The following MYH16 variants were observed in gnomAD, a reference collection of about 807,000 sequenced individuals.
MYH16 encodes the protein putative uncharacterized protein MYH16.
intron 18 of MYH16, among the ~76,000 whole-genome samples, chr7:99,268,358 G>C (rs1382175227): frequency 1.3e-5 from 2 of 152,248 alleles, no homozygotes; most frequent in East Asian, 3.8e-4. Context: ...AGCCTGGAGA[G>C]GGGGTGGAGG....
At chr7:99,254,376 G>A (rs187528136) in intron 8 of MYH16, 3 of 152,360 alleles carry the variant, frequency 2.0e-5, no homozygotes, top group Admixed American at 2.0e-4. Context: ...TTTCACAGAT[G>A]AAGCTTTGAG....
At chr7:99,270,952 C>T (rs1028467116) in intron 18 of MYH16, 2 of 152,612 alleles carry the variant, frequency 1.3e-5, no homozygotes, top group African/African-American at 4.8e-5. Flanking sequence ...GCGGTCTTTC[C>T]CCAGGTGTTC....
intron 4 of MYH16, among the ~76,000 whole-genome samples, chr7:99,249,270 G>A (rs1232796708): frequency 1.3e-5 from 2 of 151,996 alleles, no homozygotes; most frequent in East Asian, 3.9e-4. Flanking sequence ...TTTGAGGCCA[G>A]GTGTGGTGGC....
chr7:99,287,921 G>T, exon 29 of MYH16: 1 of 456,230 alleles, frequency 2.2e-6, no homozygotes, highest in Non-Finnish European at 4.4e-6. Flanking sequence ...GGGAGGCTGA[G>T]CTGCTGAAGC....
chr7:99,290,382 G>A (rs1055128667), intron 30 of MYH16, among the ~76,000 whole-genome samples: 2 of 151,496 alleles, frequency 1.3e-5, no homozygotes, highest in Non-Finnish European at 2.9e-5. Flanking sequence ...AGCTACTTGG[G>A]AGGCTGAGGC....
At chr7:99,276,849 GA>G (rs1242556516) in intron 20 of MYH16, among the ~76,000 whole-genome samples, 1 of 151,996 alleles carries the variant, frequency 6.6e-6, no homozygotes, top group Admixed American at 6.6e-5. Context: ...GAAAGACACA[GA>G]AAATGAGAGA....
At chr7:99,245,184 T>C (rs779221840) in intron 2 of MYH16, among the ~76,000 whole-genome samples, 1 of 152,224 alleles carries the variant, frequency 6.6e-6, no homozygotes, top group Non-Finnish European at 1.5e-5. Context: ...TGTCATACTC[T>C]CAGCTGTTCC....
chr7:99,277,878 C>CGTGTGTGTGTGTGT (rs61634087), intron 21 of MYH16, among the ~76,000 whole-genome samples, 166 bp downstream of exon 3: 4 of 121,792 alleles, frequency 3.3e-5, no homozygotes, highest in African/African-American at 1.6e-4. Flanking sequence ...CCATCCAATT[C>CGTGTGTGTGTGTGT]GTGTGTGTGT....
intron 29 of MYH16, among the ~76,000 whole-genome samples, chr7:99,288,906 G>A (rs1447825643): frequency 6.6e-6 from 1 of 151,608 alleles, no homozygotes; most frequent in Non-Finnish European, 1.5e-5. Context: ...CTTGAGCCCA[G>A]TTCAAGACCA....
At chr7:99,260,096 A>C (rs1460035868) in intron 11 of MYH16, 6 of 1,416,212 alleles carry the variant, frequency 4.2e-6, no homozygotes, top group Non-Finnish European at 5.9e-6. Flanking sequence ...TGGTCGCTTC[A>C]TTCAATCCTG....
chr7:99,259,515 A>G (rs1791913861), intron 11 of MYH16, among the ~76,000 whole-genome samples: 1 of 151,788 alleles, frequency 6.6e-6, no homozygotes. Flanking sequence ...CTGGAGTACA[A>G]TGGTGCCATC....
intron 1 of MYH16, among the ~76,000 whole-genome samples, chr7:99,240,560 G>C (rs1791655394): frequency 6.6e-6 from 1 of 152,160 alleles, no homozygotes; most frequent in African/African-American, 2.4e-5. Context: ...TTGATTAAAA[G>C]AAGTCAGAGG....
At chr7:99,279,709 C>T (rs760593562) in exon 22 of MYH16, 60 of 456,218 alleles carry the variant, frequency 1.3e-4, no homozygotes, top group Middle Eastern at 7.2e-4. Flanking sequence ...CTGGAAACCA[C>T]GCTGGCCAAG....
chr7:99,310,917 G>A (rs1792751807), downstream of MYH16: 1 of 152,216 alleles, frequency 6.6e-6, no homozygotes, highest in South Asian at 2.1e-4. Flanking sequence ...CCCGCCATTA[G>A]AGGAATGAAA....
At chr7:99,247,715 CCATCTCTGACAACGCCTACCACGA>C (rs1791749780) in exon 3 of MYH16, 1 of 196,548 alleles carries the variant, frequency 5.1e-6, no homozygotes, top group Non-Finnish European at 1.1e-5. Flanking sequence ...CACCTCTTCT[CCATCTCTGACAACGCCTACCACGA>C]CATGCTTATG....
intron 19 of MYH16, chr7:99,271,136 A>G (rs531641534): frequency 5.9e-5 from 9 of 152,754 alleles, no homozygotes; most frequent in Admixed American, 4.6e-4. Context: ...GAGGAGCCAC[A>G]CGCACTCAGG....
intron 32 of MYH16, 132 bp from the exon 14 acceptor site, chr7:99,293,886 C>T: frequency 3.1e-6 from 1 of 324,332 alleles, no homozygotes; most frequent in Non-Finnish European, 6.1e-6. Flanking sequence ...GTCCTGTAAA[C>T]ACTCTGCATC....
intron 36 of MYH16, among the ~76,000 whole-genome samples, chr7:99,298,445 T>C (rs112471275): frequency 0.28 from 43,100 of 152,008 alleles, 11,405 homozygotes; most frequent in African/African-American, 0.71. Flanking sequence ...GTTGGCCAGG[T>C]TGGTCTTGAA....
chr7:99,282,668 G>A (rs556548879), intron 23 of MYH16, among the ~76,000 whole-genome samples: 3 of 151,744 alleles, frequency 2.0e-5, no homozygotes, highest in African/African-American at 4.8e-5. Context: ...ATGGAGCTTC[G>A]CACTCTCACC....
Sources: gnomAD v4.1 joint callset for allele counts (sites outside exome capture counted in the v4.1 genomes callset) on GRCh38, gnomAD v4.1.1 for gene constraint, MANE v1.5 for transcripts, NCBI Gene and HGNC (gene_info 2026-07-23, HGNC 2026-07-21) for gene names.